Variants in NXPH4 observed in about 807,000 individuals in gnomAD.
NXPH4 encodes the protein neurexophilin 4, also known as neurexophilin-4.
In NXPH4, 8 loss-of-function variants were observed where a neutral mutation model predicts 21.3. The ratio of observed to expected loss-of-function variants is 0.38; its 90% CI spans 0.22 to 0.68. NXPH4 has a LOEUF of 0.68. Ranked by LOEUF, NXPH4 falls within the 30% of genes least tolerant of loss-of-function variation. The pLI is 0.53. For missense variants in NXPH4, 418 were observed against 416.8 expected (o/e 1.00, Z -0.03); for synonymous variants, 219 against 192.6 (o/e 1.14, Z -1.13).
At position 57,218,647 on chromosome 12, in the gene NXPH4, C is replaced by G. The variant is rs115490007; in HGVS notation, c.57+1621C>G. Among the ~76,000 whole-genome samples the G allele has an allele frequency of 9.5e-3, 1,441 of 152,326 alleles. 15 individuals carry two copies. Among genetic ancestry groups the G allele is most frequent in the African/African-American group, 0.033 (1,389 of 41,562 alleles). On this transcript the variant is annotated intron_variant, in intron 1 of 1. Transcript: ENST00000349394. ...GTGAGAGTGAGCGTGAGGATATGAGCAATGGGATCTATCTGAGTGTGTGTG... is the reference window on the plus strand; with the variant it reads ...GTGAGAGTGAGCGTGAGGATATGAGGAATGGGATCTATCTGAGTGTGTGTG...
At chr12:57,223,595 G>A (rs1348188263) in intron 1 of NXPH4, among the ~76,000 whole-genome samples, 2 of 152,186 alleles carry the variant, frequency 1.3e-5, no homozygotes, top group Admixed American at 1.3e-4. Flanking sequence ...CTCCCCCCAT[G>A]GGACCTGTGC....
At chr12:57,218,001 C>T (rs1357118219) in intron 1 of NXPH4, among the ~76,000 whole-genome samples, 3 of 152,166 alleles carry the variant, frequency 2.0e-5, no homozygotes, top group African/African-American at 4.8e-5. Context: ...GGTGTGTGCC[C>T]GCAATGGGGG....
Position 57,225,606 on chromosome 12 carries a change from G to T in NXPH4, c.786G>T (p.Thr262=), listed in dbSNP as rs747431592. Residue 262 remains threonine (T), a synonymous_variant, in exon 2 of 2, where the codon ACG becomes ACT. Coordinates refer to ENST00000349394, the MANE Select transcript of NXPH4 (RefSeq NM_007224.4). ...DPSQVCFTEH[T]QSQAAWLCAK... is the part of the protein sequence containing the mutation. The stretch of plus-strand genomic sequence containing the variant: ...CGCAGGTGTGCTTCACCGAGCACAC[G>T]CAGAGCCAGGCCGCCTGGCTCTGTG... 2 of 1,613,368 alleles carry T rather than the reference G, an allele frequency of 1.2e-6. No individual in the cohort carries two copies.
chr12:57,217,422 C>T (rs567698314), intron 1 of NXPH4, among the ~76,000 whole-genome samples: 1 of 152,304 alleles, frequency 6.6e-6, no homozygotes, highest in East Asian at 1.9e-4. Context: ...CACCCCTCCA[C>T]CCCCGCCTTC....
chr12:57,220,122 C>A (rs1012081797), intron 1 of NXPH4: 2 of 152,900 alleles, frequency 1.3e-5, no homozygotes, highest in Non-Finnish European at 2.9e-5. Flanking sequence ...GAGAGGGTCC[C>A]AGGGCTCAGG....
At chr12:57,218,948 G>A (rs1185542723) in intron 1 of NXPH4, among the ~76,000 whole-genome samples, 1 of 148,668 alleles carries the variant, frequency 6.7e-6, no homozygotes, top group Non-Finnish European at 1.5e-5. Flanking sequence ...TTGTCTGTAT[G>A]AGTCTCTGGG....
chr12:57,225,118 G>A lies in NXPH4; in HGVS notation c.298G>A (p.Ala100Thr). The A allele has an allele frequency of 2.6e-6, 4 of 1,526,092 alleles. No individual in the cohort carries two copies. Among genetic ancestry groups the A allele is most frequent in the East Asian group, 2.4e-5 (1 of 42,436 alleles). The allele number at this position is 1,526,092 out of a possible 1,614,324, so 94.5% of individuals were successfully genotyped here. Residue 100 changes from alanine (A) to threonine (T), a missense_variant, in exon 2 of 2, where the codon GCG becomes ACG. Coordinates refer to ENST00000349394, the MANE Select transcript of NXPH4 (RefSeq NM_007224.4). ...RTKRKPSIKAARAKKIFGWGD... is the reference protein window; with the variant it reads ...RTKRKPSIKATRAKKIFGWGD... ...CAAGAGGAAGCCGTCCATCAAGGCGGCGCGCGCCAAAAAGATCTTCGGCTG... is the reference window on the plus strand; with the variant it reads ...CAAGAGGAAGCCGTCCATCAAGGCGACGCGCGCCAAAAAGATCTTCGGCTG...
Position 57,225,219 on chromosome 12 carries a change from C to A in NXPH4, c.399C>A (p.Asn133Lys). ...CCGGCAAGATCGTGGACCATGTGAA[C>A]GGTACCTTCAGTGTGTATTTCCGCC... The part of the protein sequence containing the change: ...LVTGKIVDHV[N>K]GTFSVYFRHN... The change falls in exon 2 of 2, where the codon AAC (asparagine) becomes AAA (lysine). Residue 133 changes from asparagine (N) to lysine (K), a missense_variant. Physicochemically the swap from Asn to Lys is moderately conservative, Grantham distance 94. Coordinates refer to ENST00000349394, the MANE Select transcript of NXPH4 (RefSeq NM_007224.4). The A allele has an allele frequency of 6.3e-7, 1 of 1,580,424 alleles. No homozygotes were observed. Among genetic ancestry groups the A allele is most frequent in the Non-Finnish European group, 8.6e-7 (1 of 1,164,000 alleles).
chr12:57,225,063 G>T lies in NXPH4; in HGVS notation c.243G>T (p.Gly81=). Residue 81 remains glycine (G), a synonymous_variant, in exon 2 of 2, where the codon GGG becomes GGT. Coordinates refer to ENST00000349394, the MANE Select transcript of NXPH4 (RefSeq NM_007224.4). ...TNHTGALARA[G]AAGALPAQRT... Reference sequence around the variant, plus strand: ...ACACGGGGGCGCTGGCCCGGGCAGGGGCAGCCGGGGCGTTGCCCGCGCAGC... The same window carrying T: ...ACACGGGGGCGCTGGCCCGGGCAGGTGCAGCCGGGGCGTTGCCCGCGCAGC... The T allele has an allele frequency of 1.4e-6, 2 of 1,473,232 alleles. No homozygotes were observed. The highest frequency in any genetic ancestry group is 1.8e-6 in the Non-Finnish European group (2 of 1,110,614). 91.3% of individuals were successfully genotyped at this position (1,473,232 alleles called of 1,614,324 possible).
rs2037043412 is a variant in NXPH4, at chr12:57,216,868, TCC to T, written c.-100_-99del. The T allele has an allele frequency of 7.9e-5, 22 of 277,068 alleles. No homozygotes were observed. Among genetic ancestry groups the T allele is most frequent in the Non-Finnish European group, 9.3e-5 (20 of 215,502 alleles). The allele number at this position is 277,068 out of a possible 1,614,324, so 17.2% of individuals were successfully genotyped here. A position where few individuals can be genotyped will look rare whatever the true frequency, so the allele number is the denominator to read the frequency against. ...CCGCCGCTCCCGCCGCTCCCGCCGCTCCCGCAGCCGCCCCGCCGCCCGCCCGG... is the reference window on the plus strand; with the variant it reads ...CCGCCGCTCCCGCCGCTCCCGCCGCTCGCAGCCGCCCCGCCGCCCGCCCGG... On this transcript the variant is annotated 5_prime_UTR_variant, in exon 1 of 2. Transcript: ENST00000349394. This position sits in a 1 kb window ranked among gnomAD's most constrained non-coding sequence, Gnocchi z 5.3.
At chr12:57,221,603 C>T (rs1364367504) in intron 1 of NXPH4, 2 of 327,386 alleles carry the variant, frequency 6.1e-6, no homozygotes, top group Non-Finnish European at 1.2e-5. Context: ...CCCCGCTCCC[C>T]GAATGGGCCT....
chr12:57,225,882 C>A lies in NXPH4; in HGVS notation c.*135C>A. ...CTCTGGGGGCGGAGGGGAATGGCTT[C>A]TCGGGACCCTCAGCTAGCGTGGGTG... On this transcript the variant is annotated 3_prime_UTR_variant, in exon 2 of 2. Coordinates refer to ENST00000349394, the MANE Select transcript of NXPH4 (RefSeq NM_007224.4). 6.9e-7 allele frequency: 1 copy of A among 1,455,372 alleles called. No individual in the cohort carries two copies. The highest frequency in any genetic ancestry group is 9.0e-7 in the Non-Finnish European group (1 of 1,108,958). The allele number at this position is 1,455,372 out of a possible 1,614,324, so 90.2% of individuals were successfully genotyped here.
At position 57,225,168 on chromosome 12, in the gene NXPH4, T is replaced by C. The variant is rs1400767568; in HGVS notation, c.348T>C (p.His116=). The change falls in exon 2 of 2, where the codon CAT becomes CAC. Residue 116 remains histidine (H), a synonymous_variant. Transcript: ENST00000349394. The stretch of plus-strand genomic sequence containing the variant: ...GGGGGGACTTCTACTTTCGGGTGCA[T>C]ACCCTCAAGTTTTCGCTGCTGGTGA... ...FGWGDFYFRV[H]TLKFSLLVTG... 1.9e-6 allele frequency: 3 copies of C among 1,588,028 alleles called. No individual in the cohort carries two copies. Among genetic ancestry groups the C allele is most frequent in the Non-Finnish European group, 2.6e-6 (3 of 1,167,124 alleles).
chr12:57,224,833 G>A (rs900326960), intron 1 of NXPH4, 45 bp from the exon 2 acceptor site: 7 of 600,490 alleles, frequency 1.2e-5, no homozygotes, highest in African/African-American at 5.7e-5. Context: ...GCAGGATGGC[G>A]GGGGACAACC....
Position 57,225,902 on chromosome 12 carries a change from T to C in NXPH4, c.*155T>C. 6.9e-7 allele frequency: 1 copy of C among 1,442,390 alleles called. No individual in the cohort carries two copies. Among genetic ancestry groups the C allele is most frequent in the Non-Finnish European group, 9.1e-7 (1 of 1,103,206 alleles). The allele number at this position is 1,442,390 out of a possible 1,614,324, so 89.3% of individuals were successfully genotyped here. On this transcript the variant is annotated 3_prime_UTR_variant, in exon 2 of 2. Coordinates refer to ENST00000349394, the MANE Select transcript of NXPH4 (RefSeq NM_007224.4). ...GGCTTCTCGGGACCCTCAGCTAGCG[T>C]GGGTGCCCTTTTCCTTATGCGGAGT...
At chr12:57,219,258 C>T (rs1329873812) in intron 1 of NXPH4, among the ~76,000 whole-genome samples, 1 of 152,086 alleles carries the variant, frequency 6.6e-6, no homozygotes, top group Non-Finnish European at 1.5e-5. Context: ...CCTCCTCACT[C>T]CAGGCTTCCC....
Position 57,225,998 on chromosome 12 carries a change from A to C in NXPH4, c.*251A>C. ...AGGGATAAGAGTGCAGCCCCAGAATAGGCGGGGCTTGGAGGCGGTCCCAAT... is the reference window on the plus strand; with the variant it reads ...AGGGATAAGAGTGCAGCCCCAGAATCGGCGGGGCTTGGAGGCGGTCCCAAT... On this transcript the variant is annotated 3_prime_UTR_variant, in exon 2 of 2. Transcript: ENST00000349394. 2 of 1,301,218 alleles carry C rather than the reference A, an allele frequency of 1.5e-6. No homozygotes were observed. The highest frequency in any genetic ancestry group is 1.0e-6 in the Non-Finnish European group (1 of 999,376). The allele number at this position is 1,301,218 out of a possible 1,614,324, so 80.6% of individuals were successfully genotyped here. A position where few individuals can be genotyped will look rare whatever the true frequency, so the allele number is the denominator to read the frequency against.
Position 57,226,242 on chromosome 12 carries a change from C to T in NXPH4, c.*495C>T. 2.8e-6 allele frequency: 1 copy of T among 358,272 alleles called. No homozygotes were observed. The allele number at this position is 358,272 out of a possible 1,614,324, so 22.2% of individuals were successfully genotyped here. ...CCATTCTGCCTGCCATATGCCTGTC[C>T]CCTTTTCCTCCAAACCCTATTAGGG... On this transcript the variant is annotated 3_prime_UTR_variant, in exon 2 of 2. Transcript: ENST00000349394.
rs1214862104 is a variant in NXPH4 at position 57,225,442 on chromosome 12, C to T, written c.622C>T (p.Leu208Phe). The change falls in exon 2 of 2, where the codon CTC becomes TTC. Residue 208 changes from leucine (L) to phenylalanine (F), a missense_variant. Coordinates refer to ENST00000349394, the MANE Select transcript of NXPH4 (RefSeq NM_007224.4). ...AAAGPGLGGS[L>F]GGALAGPLGG... Reference sequence around the variant, plus strand: ...GGCGGGGCCCGGGCTTGGGGGCTCCCTCGGGGGCGCACTGGCGGGGCCGCT... The same window carrying T: ...GGCGGGGCCCGGGCTTGGGGGCTCCTTCGGGGGCGCACTGGCGGGGCCGCT... The T allele has an allele frequency of 1.2e-6, 2 of 1,603,768 alleles. No homozygotes were observed. Among genetic ancestry groups the T allele is most frequent in the African/African-American group, 2.7e-5 (2 of 74,822 alleles).
Sources: allele counts gnomAD v4.1 joint callset (sites outside exome capture counted in the v4.1 genomes callset), GRCh38; gene constraint gnomAD v4.1.1; non-coding constraint Gnocchi (gnomAD v3.1); transcripts MANE v1.5; gene names NCBI Gene and HGNC (gene_info 2026-07-23, HGNC 2026-07-21).